Variants in LMO3 observed in about 807,000 individuals in gnomAD.
LMO3 encodes the protein LIM domain only 3, also known as LIM domain only protein 3.
A neutral mutation model predicts 15.8 loss-of-function variants in LMO3; 2 were observed. The ratio of observed to expected loss-of-function variants is 0.13; its 90% CI spans 0.05 to 0.40. LMO3 has a LOEUF of 0.40. LMO3 is among the 10% of genes least tolerant of loss of function. The probability of loss-of-function intolerance (pLI) is 0.99; values close to 1 mark genes in which losing one functional copy is unlikely to be tolerated. For missense variants in LMO3, 86 were observed against 182.2 expected (o/e 0.47, Z 3.04); for synonymous variants, 62 against 63.8 (o/e 0.97, Z 0.13).
rs745377837 is a variant in LMO3 at position 16,560,430 on chromosome 12, A to G, written c.315T>C (p.Cys105=). 1 of 1,613,774 alleles carries G rather than the reference A, an allele frequency of 6.2e-7. No homozygotes were observed. The highest frequency in any genetic ancestry group is 8.5e-7 in the Non-Finnish European group (1 of 1,179,790). ...DNVYHLDCFA[C]QLCNQRFCVG... is the part of the protein sequence containing the mutation. ...CTGCTTACCTCTGATTACAAAGCTG[A>G]CATGCAAAGCAGTCCAGGTGGTAAA... The change falls in exon 3 of 4, where the codon TGT becomes TGC. Residue 105 remains cysteine (C), a synonymous_variant. Coordinates refer to ENST00000537304, the MANE Select transcript of LMO3 (RefSeq NM_018640.5). This position sits in a 1 kb window ranked among gnomAD's most constrained non-coding sequence, Gnocchi z 5.0.
rs185507011 is a variant in LMO3 at position 16,606,138 on chromosome 12, G to A, written c.-81C>T. ...GCTGCTTTGTAGCGCTTCTCCTTGG[G>A]AAAGGTCAAAAAGAAGCATTGTTTG... is the stretch of plus-strand genomic sequence containing the variant. On this transcript the variant is annotated 5_prime_UTR_variant, in exon 1 of 4. Coordinates refer to ENST00000537304, the MANE Select transcript of LMO3 (RefSeq NM_018640.5). The A allele has an allele frequency of 2.0e-4, 46 of 227,274 alleles. No individual in the cohort carries two copies. In the Admixed American group the frequency reaches 2.3e-3, roughly 11 times the overall value. 14.1% of individuals were successfully genotyped at this position (227,274 alleles called of 1,614,324 possible).
At chr12:16,578,827 C>T (rs1446728086) in intron 2 of LMO3, among the ~76,000 whole-genome samples, 1 of 81,698 alleles carries the variant, frequency 1.2e-5, no homozygotes, top group African/African-American at 4.1e-5. Flanking sequence ...CAAACAACAA[C>T]AACAACAACA....
intron 3 of LMO3, among the ~76,000 whole-genome samples, chr12:16,553,142 A>C (rs1942054418): frequency 6.6e-6 from 1 of 152,146 alleles, no homozygotes; most frequent in Non-Finnish European, 1.5e-5. Context: ...GATCACATTT[A>C]TTCCCTACAT....
rs532254060 is a variant in LMO3 at position 16,591,481 on chromosome 12, T to C, written c.206+9174A>G. 2.0e-5 allele frequency among the ~76,000 whole-genome samples: 3 copies of C among 152,122 alleles called. No individual in the cohort carries two copies. In the South Asian group the frequency reaches 6.2e-4, roughly 32 times the overall value. ...CCCTATACTTATTTTGTTGATTACC[T>C]ATTTCCCCTAAGTAGAATATAAACT... On this transcript the variant is annotated intron_variant, in intron 2 of 3. Coordinates refer to ENST00000537304, the MANE Select transcript of LMO3 (RefSeq NM_018640.5). This position sits in a 1 kb window ranked among gnomAD's most constrained non-coding sequence, Gnocchi z 4.1.
chr12:16,569,400 A>G (rs1395952086), intron 2 of LMO3, among the ~76,000 whole-genome samples: 5 of 152,168 alleles, frequency 3.3e-5, no homozygotes, highest in Non-Finnish European at 5.9e-5. Context: ...TAGAATCATC[A>G]TGTCTCTTTC....
chr12:16,556,242 C>T (rs1942184574), intron 3 of LMO3, among the ~76,000 whole-genome samples: 1 of 152,116 alleles, frequency 6.6e-6, no homozygotes, highest in Non-Finnish European at 1.5e-5. Context: ...GGCTTATTCA[C>T]CTTTAAGAAA....
Position 16,604,563 on chromosome 12 carries a change from T to TAAAA in LMO3, c.-9+1499_-9+1502dup. The TAAAA allele has an allele frequency of 6.7e-6, 2 of 300,322 alleles. No homozygotes were observed. Among genetic ancestry groups the TAAAA allele is most frequent in the South Asian group, 6.6e-5 (1 of 15,044 alleles). The allele number at this position is 300,322 out of a possible 1,614,324, so 18.6% of individuals were successfully genotyped here. On this transcript the variant is annotated intron_variant, in intron 1 of 3. Transcript: ENST00000537304. This position sits in a 1 kb window ranked among gnomAD's most constrained non-coding sequence, Gnocchi z 5.3. ...ATTTTGATGCAGCTCACATGCAAAA[T>TAAAA]AAAAAAAAAAAATAAGAAACATACA...
At chr12:16,562,094 G>T (rs1010664956) in intron 2 of LMO3, among the ~76,000 whole-genome samples, 12 of 152,078 alleles carry the variant, frequency 7.9e-5, no homozygotes, top group African/African-American at 2.9e-4. Flanking sequence ...GAAAGAACTT[G>T]CTCGAAAATG....
At chr12:16,574,254 C>T (rs1942922999) in intron 2 of LMO3, among the ~76,000 whole-genome samples, 2 of 152,060 alleles carry the variant, frequency 1.3e-5, no homozygotes, top group Admixed American at 6.6e-5. Flanking sequence ...AATGTATAAA[C>T]GATGACTCTT....
chr12:16,573,034 ATG>A (rs1401091818), intron 2 of LMO3, among the ~76,000 whole-genome samples: 7 of 151,962 alleles, frequency 4.6e-5, no homozygotes, highest in Non-Finnish European at 1.0e-4. Flanking sequence ...TGTTTTTATT[ATG>A]TGTTTCTCTA....
In LMO3 at chr12:16,551,155, T is replaced by C; in HGVS notation, c.*67A>G. On this transcript the variant is annotated 3_prime_UTR_variant, in exon 4 of 4. Transcript: ENST00000537304. Reference sequence around the variant, plus strand: ...GTAGGTTCCTGTGTCAATTCTTATGTACATGTGGAGCAAAAAAGATAAAAG... The same window carrying C: ...GTAGGTTCCTGTGTCAATTCTTATGCACATGTGGAGCAAAAAAGATAAAAG... 1 of 1,017,724 alleles carries C rather than the reference T, an allele frequency of 9.8e-7. No individual in the cohort carries two copies. The highest frequency in any genetic ancestry group is 2.0e-4 in the Middle Eastern group (1 of 4,900). The allele number at this position is 1,017,724 out of a possible 1,614,324, so 63.0% of individuals were successfully genotyped here.
intron 3 of LMO3, among the ~76,000 whole-genome samples, chr12:16,554,133 T>A (rs962380105): frequency 1.1e-4 from 16 of 152,198 alleles, no homozygotes; most frequent in Admixed American, 7.9e-4. Flanking sequence ...TTGAGTGATT[T>A]AGCTGACTTC....
chr12:16,571,669 T>G (rs1369946035), intron 2 of LMO3, among the ~76,000 whole-genome samples: 1 of 152,004 alleles, frequency 6.6e-6, no homozygotes, highest in African/African-American at 2.4e-5. Context: ...GGTTTCACAA[T>G]TTCTGTTCTT....
intron 2 of LMO3, among the ~76,000 whole-genome samples, chr12:16,561,624 GCA>G (rs1491156275): frequency 6.6e-6 from 1 of 152,136 alleles, no homozygotes; most frequent in African/African-American, 2.4e-5. Context: ...TAAGGATTAG[GCA>G]CAAATGTGCT....
chr12:16,566,753 G>C (rs552824541), intron 2 of LMO3, among the ~76,000 whole-genome samples: 1 of 152,172 alleles, frequency 6.6e-6, no homozygotes, highest in South Asian at 2.1e-4. Flanking sequence ...GCCATTTGCT[G>C]AAAGTTCAAC....
At chr12:16,565,983 CATATATATATATATATATATATAT>C (rs61358392) in intron 2 of LMO3, among the ~76,000 whole-genome samples, 2,500 of 43,842 alleles carry the variant, frequency 0.057, 156 homozygotes, top group Middle Eastern at 0.11. Context: ...GAAAATGTGC[CATATATATATATATATATATATAT>C]ATATATATAT....
intron 2 of LMO3, among the ~76,000 whole-genome samples, chr12:16,565,720 A>G (rs2137380142): frequency 6.6e-6 from 1 of 151,976 alleles, no homozygotes; most frequent in Non-Finnish European, 1.5e-5. Flanking sequence ...GGCTGAAAAA[A>G]GGAACACTGA....
intron 2 of LMO3, among the ~76,000 whole-genome samples, chr12:16,571,046 T>A (rs550852289): frequency 1.3e-3 from 199 of 152,150 alleles, no homozygotes; most frequent in African/African-American, 3.9e-3. Flanking sequence ...TAATAAATTT[T>A]AAAAAAATCT....
Position 16,569,452 on chromosome 12 carries a change from A to G in LMO3, c.207-8914T>C, listed in dbSNP as rs1257615724. Among the ~76,000 whole-genome samples, 4 of 152,166 alleles carry G rather than the reference A, an allele frequency of 2.6e-5. No individual in the cohort carries two copies. In the East Asian group the frequency reaches 7.7e-4, roughly 29 times the overall value. On this transcript the variant is annotated intron_variant, in intron 2 of 3. Coordinates refer to ENST00000537304, the MANE Select transcript of LMO3 (RefSeq NM_018640.5). ...AAGTTGCAAACAGTGTTTAAACATTATACTTTCCCTTTCAACAAATAATTG... is the reference window on the plus strand; with the variant it reads ...AAGTTGCAAACAGTGTTTAAACATTGTACTTTCCCTTTCAACAAATAATTG...
Sources: allele counts gnomAD v4.1 joint callset (sites outside exome capture counted in the v4.1 genomes callset), GRCh38; gene constraint gnomAD v4.1.1; non-coding constraint Gnocchi (gnomAD v3.1); transcripts MANE v1.5; gene names NCBI Gene and HGNC (gene_info 2026-07-23, HGNC 2026-07-21).